Variants in CGA observed in about 807,000 individuals in gnomAD.
CGA encodes the protein glycoprotein hormones alpha chain.
CGA carries 4 observed loss-of-function variants against 12.0 expected under a neutral mutation model. The ratio of observed to expected loss-of-function variants is 0.33; its 90% CI spans 0.16 to 0.76. The LOEUF (loss-of-function observed/expected upper bound fraction) is 0.76, where lower values mean the gene tolerates loss of function less well. Among genes scored for constraint, CGA ranks in the 30% least tolerant of loss-of-function variants. CGA has a pLI of 0.60. For synonymous variants in CGA, 60 were observed against 56.6 expected (o/e 1.06, Z -0.27); for missense variants, 102 against 143.5 (o/e 0.71, Z 1.48).
intron 1 of CGA, chr6:87,088,937 T>A (rs1562094673): frequency 1.3e-5 from 2 of 152,154 alleles, no homozygotes; most frequent in African/African-American, 4.8e-5. Flanking sequence ...CACACAAAAC[T>A]TATATATAAA....
intron 1 of CGA, among the ~76,000 whole-genome samples, chr6:87,094,569 G>A (rs988320899): frequency 8.5e-5 from 13 of 152,186 alleles, no homozygotes; most frequent in Admixed American, 6.5e-5. Flanking sequence ...ATAATCAGAA[G>A]CTATAGTCAT....
intron 2 of CGA, 86 bp downstream of exon 2, chr6:87,088,027 G>A: frequency 1.5e-6 from 1 of 657,764 alleles, no homozygotes. Flanking sequence ...TGAAAAGGTG[G>A]TAGAAATGTA....
At chr6:87,086,904 C>T (rs530846044) in intron 2 of CGA, among the ~76,000 whole-genome samples, 9 of 152,202 alleles carry the variant, frequency 5.9e-5, no homozygotes, top group South Asian at 4.2e-4. Context: ...ATGGTGAAAC[C>T]CCATCTCTAC....
At chr6:87,088,295 A>G in intron 1 of CGA, 88 bp from the exon 2 acceptor site, 2 of 681,842 alleles carry the variant, frequency 2.9e-6, no homozygotes, top group Non-Finnish European at 4.9e-6. Flanking sequence ...AGTAGTTTCA[A>G]CATTACTATT....
At chr6:87,087,664 C>T (rs573515118) in intron 2 of CGA, 1 of 152,428 alleles carries the variant, frequency 6.6e-6, no homozygotes, top group Non-Finnish European at 1.5e-5. Context: ...ATTATACCAG[C>T]TACTATATGA....
chr6:87,087,367 A>G (rs1769342747), intron 2 of CGA, among the ~76,000 whole-genome samples: 1 of 152,250 alleles, frequency 6.6e-6, no homozygotes, highest in Non-Finnish European at 1.5e-5. Flanking sequence ...TGCTAACAGT[A>G]TGCCTAGAGG....
At chr6:87,091,440 T>C (rs1769430122) in intron 1 of CGA, among the ~76,000 whole-genome samples, 3 of 152,198 alleles carry the variant, frequency 2.0e-5, no homozygotes, top group Admixed American at 2.0e-4. Context: ...AAGAAAATAT[T>C]AAGAATCAGG....
Position 87,086,163 on chromosome 6 carries a change from C to A in CGA, c.273+87G>T, listed in dbSNP as rs1231741070. 1.4e-5 allele frequency: 17 copies of A among 1,229,758 alleles called. No individual in the cohort carries two copies. In the East Asian group the frequency reaches 2.8e-4, roughly 20 times the overall value. The allele number at this position is 1,229,758 out of a possible 1,614,324, so 76.2% of individuals were successfully genotyped here. On this transcript the variant is annotated intron_variant, in intron 3 of 3. Coordinates refer to ENST00000627148, the MANE Select transcript of CGA (RefSeq NM_000735.4). ...CGACAGAGGCTGGGTCATTAGACAC[C>A]TTTGGCATTAAATTCCATGGGTGGG...
chr6:87,091,669 CA>C (rs1429271052), intron 1 of CGA, among the ~76,000 whole-genome samples: 1 of 152,180 alleles, frequency 6.6e-6, no homozygotes. Context: ...TCCAAGAAAA[CA>C]TGAGTTTTCT....
At chr6:87,093,272 T>A (rs908999111) in intron 1 of CGA, among the ~76,000 whole-genome samples, 1 of 152,218 alleles carries the variant, frequency 6.6e-6, no homozygotes, top group African/African-American at 2.4e-5. Flanking sequence ...TCCTCCTTTA[T>A]AACTTGGAGT....
Position 87,085,767 on chromosome 6 carries a change from G to T in CGA, c.340C>A (p.His114Asn). 1 of 1,609,346 alleles carries T rather than the reference G, an allele frequency of 6.2e-7. No homozygotes were observed. The highest frequency in any genetic ancestry group is 1.1e-5 in the South Asian group (1 of 90,732). ...ACTTGGTAAAACATTTAAGATTTGTGATAATAACAAGTACTGCAGTGGCAC... is the reference window on the plus strand; with the variant it reads ...ACTTGGTAAAACATTTAAGATTTGTTATAATAACAAGTACTGCAGTGGCAC... Reference protein sequence around the residue: ...TACHCSTCYYHKS With the variant: ...TACHCSTCYYNKS Residue 114 changes from histidine (H) to asparagine (N), a missense_variant, in exon 4 of 4, where the codon CAC becomes AAC. His to Asn is a moderately conservative substitution (Grantham distance 68). Transcript: ENST00000627148.
At chr6:87,090,050 C>T (rs1769403533) in intron 1 of CGA, among the ~76,000 whole-genome samples, 1 of 152,142 alleles carries the variant, frequency 6.6e-6, no homozygotes, top group South Asian at 2.1e-4. Context: ...AAAGGATACT[C>T]AACCTGTATA....
chr6:87,087,996 G>T, intron 2 of CGA, 117 bp downstream of exon 2: 1 of 494,512 alleles, frequency 2.0e-6, no homozygotes. Flanking sequence ...TATGAATCCA[G>T]CAGCAAAGAC....
At chr6:87,094,680 C>T (rs539166576) in intron 1 of CGA, 1 of 152,252 alleles carries the variant, frequency 6.6e-6, no homozygotes, top group African/African-American at 2.4e-5. Flanking sequence ...TGTCTACTTG[C>T]CCTCTGTCTG....
intron 1 of CGA, among the ~76,000 whole-genome samples, chr6:87,094,573 T>C (rs1487432420): frequency 6.6e-6 from 1 of 152,216 alleles, no homozygotes; most frequent in Non-Finnish European, 1.5e-5. Flanking sequence ...TCAGAAGCTA[T>C]AGTCATTCAG....
Position 87,086,290 on chromosome 6 carries a change from G to A in CGA, c.233C>T (p.Thr78Ile). Reference protein sequence around the residue: ...KKTMLVQKNVTSESTCCVAKS... With the variant: ...KKTMLVQKNVISESTCCVAKS... ...AGCTACACAGCAAGTGGACTCTGAGGTGACGTTCTTTTGGACCAACATCGT... is the reference window on the plus strand; with the variant it reads ...AGCTACACAGCAAGTGGACTCTGAGATGACGTTCTTTTGGACCAACATCGT... The change falls in exon 3 of 4, where the codon ACC becomes ATC. Residue 78 changes from threonine to isoleucine, a missense_variant. Transcript: ENST00000627148. The A allele has an allele frequency of 1.2e-6, 2 of 1,614,026 alleles. No individual in the cohort carries two copies. The highest frequency in any genetic ancestry group is 1.7e-6 in the Non-Finnish European group (2 of 1,179,982).
intron 1 of CGA, among the ~76,000 whole-genome samples, chr6:87,091,401 C>T (rs1562095369): frequency 6.6e-6 from 1 of 152,112 alleles, no homozygotes; most frequent in Non-Finnish European, 1.5e-5. Flanking sequence ...ATCCTAATCA[C>T]CCTCAGGTTT....
chr6:87,085,947 G>A (rs1769313917), intron 3 of CGA, 114 bp from the exon 4 acceptor site: 2 of 784,528 alleles, frequency 2.5e-6, no homozygotes, highest in Admixed American at 2.1e-5. Flanking sequence ...ATAAGTAGAT[G>A]CATACTACAT....
intron 3 of CGA, 124 bp downstream of exon 3, chr6:87,086,126 T>C: frequency 1.2e-6 from 1 of 837,654 alleles, no homozygotes; most frequent in African/African-American, 1.7e-5. Context: ...ATTCCCCACC[T>C]GTACAAATGC....
Sources: gnomAD v4.1 joint callset for allele counts (sites outside exome capture counted in the v4.1 genomes callset) on GRCh38, gnomAD v4.1.1 for gene constraint, MANE v1.5 for transcripts, NCBI Gene and HGNC (gene_info 2026-07-23, HGNC 2026-07-21) for gene names.